PDCD1LG2: variants seen among roughly 807,000 people sequenced by gnomAD.
PDCD1LG2 encodes the protein programmed cell death 1 ligand 2, also known as B7 dendritic cell molecule.
A neutral mutation model predicts 28.2 loss-of-function variants in PDCD1LG2; 32 were observed. The observed-to-expected ratio is 1.13, with a 90% CI of 0.86 to 1.52. PDCD1LG2 has a LOEUF of 1.52. Ranked by LOEUF, PDCD1LG2 falls within the 40% of genes most tolerant of loss-of-function variation. The probability of loss-of-function intolerance (pLI) is 0.00; values close to 1 mark genes in which losing one functional copy is unlikely to be tolerated. For synonymous variants in PDCD1LG2, 116 were observed against 120.2 expected (o/e 0.97, Z 0.23); for missense variants, 385 against 323.8 (o/e 1.19, Z -1.45).
intron 1 of PDCD1LG2, among the ~76,000 whole-genome samples, chr9:5,520,195 A>G (rs1820247160): frequency 2.0e-5 from 3 of 152,320 alleles, no homozygotes; most frequent in Non-Finnish European, 2.9e-5. Context: ...AAAACTTACT[A>G]CAAAGCTACA....
intron 1 of PDCD1LG2, among the ~76,000 whole-genome samples, chr9:5,511,055 G>C (rs1586786374): frequency 6.6e-6 from 1 of 152,326 alleles, no homozygotes; most frequent in East Asian, 1.9e-4. Flanking sequence ...CACCAAATAT[G>C]TGCACTGTAA....
At chr9:5,518,746 G>A (rs754092323) in intron 1 of PDCD1LG2, among the ~76,000 whole-genome samples, 4 of 152,114 alleles carry the variant, frequency 2.6e-5, no homozygotes, top group Non-Finnish European at 4.4e-5. Flanking sequence ...CTCTTCTTGA[G>A]AGAGTTGCCT....
chr9:5,528,912 T>C (rs12353323), intron 2 of PDCD1LG2, among the ~76,000 whole-genome samples: 7,778 of 152,140 alleles, frequency 0.051, 668 homozygotes, highest in African/African-American at 0.17. Flanking sequence ...GTATTTTCAG[T>C]AGAGTCGGGG....
chr9:5,529,126 G>A (rs1586799268), intron 2 of PDCD1LG2, among the ~76,000 whole-genome samples: 1 of 152,264 alleles, frequency 6.6e-6, no homozygotes, highest in East Asian at 1.9e-4. Flanking sequence ...TCTTAACTGT[G>A]TCTTTTGCAG....
intron 2 of PDCD1LG2, among the ~76,000 whole-genome samples, chr9:5,533,925 A>C (rs1377305890): frequency 6.6e-6 from 1 of 150,632 alleles, no homozygotes; most frequent in Non-Finnish European, 1.5e-5. Flanking sequence ...CATAGAACAT[A>C]CTAGATATAC....
chr9:5,549,589 A>G lies in PDCD1LG2; in HGVS notation c.616A>G (p.Ser206Gly). 1 of 1,614,230 alleles carries G rather than the reference A, an allele frequency of 6.2e-7. No individual in the cohort carries two copies. The highest frequency in any genetic ancestry group is 1.1e-5 in the South Asian group (1 of 91,082). Residue 206 changes from serine to glycine, a missense_variant, in exon 4 of 7, where the codon AGC becomes GGC. Transcript: ENST00000397747. The stretch of plus-strand genomic sequence containing the variant: ...TCACGTGAGGGAACTTACTTTGGCC[A>G]GCATTGACCTTCAAAGTAAGAGCTG... ...NTHVRELTLA[S>G]IDLQSQMEPR...
chr9:5,519,279 C>T (rs1820228806), intron 1 of PDCD1LG2, among the ~76,000 whole-genome samples: 1 of 152,002 alleles, frequency 6.6e-6, no homozygotes, highest in Non-Finnish European at 1.5e-5. Flanking sequence ...GTGAAAGCCC[C>T]CAATAAATGA....
intron 4 of PDCD1LG2, 41 bp downstream of exon 4, chr9:5,549,645 T>C (rs2129879773): frequency 6.2e-7 from 1 of 1,607,610 alleles, no homozygotes; most frequent in Non-Finnish European, 8.5e-7. Flanking sequence ...CAGTTAGGGT[T>C]CAGACAAGAA....
Position 5,569,848 on chromosome 9 carries a change from G to A in PDCD1LG2, c.817-106G>A, listed in dbSNP as rs150888802. ...TTTTAAACCATGCGGCTTCCAGCTA[G>A]ATGAACTTTTTTAAAAAAATTAGTT... On this transcript the variant is annotated intron_variant, in intron 6 of 6. Coordinates refer to ENST00000397747, the MANE Select transcript of PDCD1LG2 (RefSeq NM_025239.4). The surrounding 1 kb of genome is among the most constrained non-coding windows in gnomAD (Gnocchi z 4.1). 2.7e-4 allele frequency: 308 copies of A among 1,152,172 alleles called. No individual in the cohort carries two copies. In the East Asian group the frequency reaches 6.5e-3, roughly 24 times the overall value. 71.4% of individuals were successfully genotyped at this position (1,152,172 alleles called of 1,614,324 possible). A position where few individuals can be genotyped will look rare whatever the true frequency, so the allele number is the denominator to read the frequency against.
At chr9:5,541,843 G>A (rs928039023) in intron 3 of PDCD1LG2, among the ~76,000 whole-genome samples, 1 of 152,016 alleles carries the variant, frequency 6.6e-6, no homozygotes, top group Non-Finnish European at 1.5e-5. Flanking sequence ...AAATTCATAT[G>A]GAACCAAAAA....
At position 5,557,659 on chromosome 9, in the gene PDCD1LG2, A is replaced by G. The variant is rs2129921432; in HGVS notation, c.673A>G (p.Ile225Val). ...GACCCATCCAACTTGGCTGCTTCAC[A>G]TTTTCATCCCCTTCTGCATCATTGC... ...PRTHPTWLLHIFIPFCIIAFI... is the reference protein window; with the variant it reads ...PRTHPTWLLHVFIPFCIIAFI... Residue 225 changes from isoleucine to valine, a missense_variant, in exon 5 of 7, where the codon ATT (isoleucine) becomes GTT (valine). Ile to Val is a conservative substitution (Grantham distance 29). Transcript: ENST00000397747. 2 of 1,613,886 alleles carry G rather than the reference A, an allele frequency of 1.2e-6. No individual in the cohort carries two copies. The highest frequency in any genetic ancestry group is 1.7e-6 in the Non-Finnish European group (2 of 1,179,810).
chr9:5,518,346 T>G (rs1340374213), intron 1 of PDCD1LG2, among the ~76,000 whole-genome samples: 1 of 152,202 alleles, frequency 6.6e-6, no homozygotes, highest in Non-Finnish European at 1.5e-5. Flanking sequence ...AAGGGGACAG[T>G]GTGCCAGGAA....
chr9:5,569,850 T>C lies in PDCD1LG2; in HGVS notation c.817-104T>C. Reference sequence around the variant, plus strand: ...TTAAACCATGCGGCTTCCAGCTAGATGAACTTTTTTAAAAAAATTAGTTCC... The same window carrying C: ...TTAAACCATGCGGCTTCCAGCTAGACGAACTTTTTTAAAAAAATTAGTTCC... On this transcript the variant is annotated intron_variant, in intron 6 of 6. Transcript: ENST00000397747. This position sits in a 1 kb window ranked among gnomAD's most constrained non-coding sequence, Gnocchi z 4.1. The C allele has an allele frequency of 3.4e-6, 4 of 1,180,254 alleles. No homozygotes were observed. Among genetic ancestry groups the C allele is most frequent in the East Asian group, 4.7e-5 (2 of 42,594 alleles). 73.1% of individuals were successfully genotyped at this position (1,180,254 alleles called of 1,614,324 possible).
rs939030982 is a variant in PDCD1LG2, at chr9:5,557,821, G to A, written c.766+69G>A. 5.7e-6 allele frequency: 9 copies of A among 1,569,300 alleles called. No individual in the cohort carries two copies. In the African/African-American group the frequency reaches 1.1e-4, roughly 19 times the overall value. ...GCAGCATGAGCCACTGCTTTGCACT[G>A]CAGGCCTATGGCTTGCTGCTTTCAT... On this transcript the variant is annotated intron_variant, in intron 5 of 6. Transcript: ENST00000397747.
rs779093816 is a variant in PDCD1LG2, at chr9:5,522,529, T to G, written c.-14-4T>G. On this transcript the variant is annotated splice_polypyrimidine_tract_variant and splice_region_variant and intron_variant, in intron 1 of 6. Coordinates refer to ENST00000397747, the MANE Select transcript of PDCD1LG2 (RefSeq NM_025239.4). ...GCCCTGAGACTTTCAATTGTCTATT[T>G]CAGATCAAATACAGAACATGATCTT... 11 of 1,611,402 alleles carry G rather than the reference T, an allele frequency of 6.8e-6. No homozygotes were observed. Among genetic ancestry groups the G allele is most frequent in the Non-Finnish European group, 9.3e-6 (11 of 1,178,276 alleles).
At chr9:5,553,103 C>T (rs1419926055) in intron 4 of PDCD1LG2, among the ~76,000 whole-genome samples, 2 of 151,840 alleles carry the variant, frequency 1.3e-5, no homozygotes, top group African/African-American at 2.4e-5. Flanking sequence ...CCGAGTGAGA[C>T]TCTGTCTCCA....
chr9:5,566,259 A>C lies in PDCD1LG2; in HGVS notation c.816+3048A>C, dbSNP rs900742678. On this transcript the variant is annotated intron_variant, in intron 6 of 6. Coordinates refer to ENST00000397747, the MANE Select transcript of PDCD1LG2 (RefSeq NM_025239.4). ...TTTTCCCTTCCAACTTAAGAAGCAC[A>C]GGGCTTGCTGGTTTTGCTTCACTAA... is the stretch of plus-strand genomic sequence containing the variant. Among the ~76,000 whole-genome samples, 6 of 152,256 alleles carry C rather than the reference A, an allele frequency of 3.9e-5. No homozygotes were observed. In the East Asian group the frequency reaches 7.7e-4, roughly 19 times the overall value.
chr9:5,523,488 C>G (rs943284466), intron 2 of PDCD1LG2, among the ~76,000 whole-genome samples: 2 of 152,176 alleles, frequency 1.3e-5, no homozygotes, highest in African/African-American at 4.8e-5. Context: ...TCACTCTTCA[C>G]CCAGTCACAT....
intron 6 of PDCD1LG2, among the ~76,000 whole-genome samples, chr9:5,568,916 T>G (rs1262624474): frequency 4.6e-5 from 7 of 152,134 alleles, no homozygotes; most frequent in Non-Finnish European, 1.0e-4. Context: ...AAGCTGGGGA[T>G]AATCAGGGAA....
Sources: allele counts gnomAD v4.1 joint callset (sites outside exome capture counted in the v4.1 genomes callset), GRCh38; gene constraint gnomAD v4.1.1; non-coding constraint Gnocchi (gnomAD v3.1); transcripts MANE v1.5; gene names NCBI Gene and HGNC (gene_info 2026-07-23, HGNC 2026-07-21).